The following CCDC149 variants were observed in gnomAD, a reference collection of about 807,000 sequenced individuals.
The protein encoded by CCDC149 is coiled-coil domain containing 149, also known as coiled-coil domain-containing protein 149.
Under a neutral mutation model 59.9 loss-of-function variants are expected in CCDC149, and 45 were observed. That is an observed-to-expected ratio of 0.75 (90% confidence interval 0.59 to 0.96). CCDC149 has a LOEUF of 0.96. CCDC149 is among the 40% of genes least tolerant of loss of function. The pLI, the probability that CCDC149 is intolerant of heterozygous loss-of-function variation, is 0.00. For missense variants in CCDC149, 584 were observed against 664.7 expected (o/e 0.88, Z 1.33); for synonymous variants, 245 against 260.6 (o/e 0.94, Z 0.58).
At chr4:24,912,057 C>T (rs547793546) in intron 1 of CCDC149, among the ~76,000 whole-genome samples, 2 of 152,240 alleles carry the variant, frequency 1.3e-5, no homozygotes, top group East Asian at 3.9e-4. Context: ...ATCCGCATTC[C>T]CTCTCACCTG....
chr4:24,957,114 C>T (rs907034608), intron 1 of CCDC149, among the ~76,000 whole-genome samples: 1 of 152,188 alleles, frequency 6.6e-6, no homozygotes, highest in Non-Finnish European at 1.5e-5. Flanking sequence ...AAACACAGCT[C>T]CTGGCATACA....
intron 3 of CCDC149, among the ~76,000 whole-genome samples, chr4:24,866,190 C>T (rs1188392360): frequency 6.6e-6 from 1 of 152,112 alleles, no homozygotes; most frequent in African/African-American, 2.4e-5. Flanking sequence ...CTGATTTTTC[C>T]AGGGTTGTCA....
chr4:24,838,856 C>G (rs1451323100), intron 4 of CCDC149, among the ~76,000 whole-genome samples: 2 of 151,612 alleles, frequency 1.3e-5, no homozygotes, highest in African/African-American at 2.4e-5. Flanking sequence ...ACAGTGCAAC[C>G]AACCAAGTGG....
intron 3 of CCDC149, among the ~76,000 whole-genome samples, chr4:24,871,346 A>G (rs1013299159): frequency 2.0e-5 from 3 of 152,224 alleles, no homozygotes; most frequent in Non-Finnish European, 4.4e-5. Context: ...TACAGCATCA[A>G]TGAGCACAAG....
At chr4:24,825,338 C>T (rs899302865) in intron 9 of CCDC149, among the ~76,000 whole-genome samples, 2 of 152,320 alleles carry the variant, frequency 1.3e-5, no homozygotes, top group Admixed American at 1.3e-4. Flanking sequence ...TGCACAGATG[C>T]TCCCTTGGTG....
chr4:24,949,963 G>T (rs1355679210), intron 1 of CCDC149, among the ~76,000 whole-genome samples: 2 of 152,184 alleles, frequency 1.3e-5, no homozygotes, highest in African/African-American at 4.8e-5. Context: ...AGAGAAGGAT[G>T]GCGACAGAGG....
chr4:24,976,190 T>G (rs932433328), intron 1 of CCDC149, among the ~76,000 whole-genome samples: 2 of 152,210 alleles, frequency 1.3e-5, no homozygotes, highest in Non-Finnish European at 2.9e-5. Flanking sequence ...TAAGAGTACG[T>G]GGAGCTCAAA....
At chr4:24,909,755 G>A (rs1721766244) in intron 1 of CCDC149, among the ~76,000 whole-genome samples, 3 of 152,144 alleles carry the variant, frequency 2.0e-5, no homozygotes, top group Admixed American at 6.5e-5. Flanking sequence ...ATAAAGAGGA[G>A]TTCTCCTGCA....
Position 24,909,752 on chromosome 4 carries a change from G to A in CCDC149, c.63+3065C>T, listed in dbSNP as rs558861939. Among the ~76,000 whole-genome samples, 7 of 152,236 alleles carry A rather than the reference G, an allele frequency of 4.6e-5. No homozygotes were observed. The South Asian group carries it at 1.5e-3, about 32-fold the overall frequency. On this transcript the variant is annotated intron_variant, in intron 1 of 12. Transcript: ENST00000635206. The stretch of plus-strand genomic sequence containing the variant: ...ACGAGATCTGATGGTTTTATAAAGA[G>A]GAGTTCTCCTGCAGAAGCTCTCTCT...
chr4:24,902,419 G>A (rs1214096901), intron 1 of CCDC149, among the ~76,000 whole-genome samples: 1 of 152,200 alleles, frequency 6.6e-6, no homozygotes, highest in Non-Finnish European at 1.5e-5. Flanking sequence ...CCTGCTGCCT[G>A]GCTTTTGAAG....
At chr4:24,948,568 T>C (rs755959413) in intron 1 of CCDC149, among the ~76,000 whole-genome samples, 3 of 152,078 alleles carry the variant, frequency 2.0e-5, no homozygotes, top group Non-Finnish European at 2.9e-5. Context: ...CCATAGAAGA[T>C]TGGAGGATGA....
intron 1 of CCDC149, among the ~76,000 whole-genome samples, chr4:24,933,503 G>A (rs926610888): frequency 2.0e-5 from 3 of 152,142 alleles, no homozygotes; most frequent in Non-Finnish European, 4.4e-5. Flanking sequence ...AATTTTTTGT[G>A]GAAAGTTAAG....
chr4:24,947,780 C>A (rs1000635556), intron 1 of CCDC149, among the ~76,000 whole-genome samples: 3 of 151,924 alleles, frequency 2.0e-5, no homozygotes, highest in Non-Finnish European at 4.4e-5. Context: ...TTCCAAGATT[C>A]AATCTGAGTT....
At chr4:24,968,810 C>A (rs577623640) in intron 1 of CCDC149, among the ~76,000 whole-genome samples, 3 of 152,228 alleles carry the variant, frequency 2.0e-5, no homozygotes, top group East Asian at 3.9e-4. Flanking sequence ...TGGGGCTTAA[C>A]CTTGTGGTTA....
intron 1 of CCDC149, among the ~76,000 whole-genome samples, chr4:24,907,429 A>G (rs1437595604): frequency 2.0e-5 from 3 of 152,276 alleles, no homozygotes; most frequent in African/African-American, 7.2e-5. Flanking sequence ...GGCTCTGAAC[A>G]CAACTCCAGG....
rs1426443416 is a variant in CCDC149, at chr4:24,876,547, G to C, written c.214C>G (p.Arg72Gly). The stretch of plus-strand genomic sequence containing the variant: ...AGCCTAACACTTACAATCAGCTCTC[G>C]GTACTTCTTCTTCAGTGACTGGTGG... The change falls in exon 2 of 13, where the codon CGA (arginine) becomes GGA (glycine). Residue 72 changes from arginine to glycine, a missense_variant. Coordinates refer to ENST00000635206, the MANE Select transcript of CCDC149 (RefSeq NM_001330643.2). 1 of 1,613,764 alleles carries C rather than the reference G, an allele frequency of 6.2e-7. No homozygotes were observed. The highest frequency in any genetic ancestry group is 8.5e-7 in the Non-Finnish European group (1 of 1,179,788).
In CCDC149 at chr4:24,932,446, G is replaced by A. The variant is rs572406426; in HGVS notation, c.-64-37328C>T. On this transcript the variant is annotated intron_variant, in intron 1 of 12. Transcript: ENST00000389609. ...TAGGGGACAGCAAGACAGAAGACAG[G>A]AGAAGTTAAGGTAAGACACTCAGGA... Among the ~76,000 whole-genome samples the A allele has an allele frequency of 2.4e-4, 37 of 152,284 alleles. No individual in the cohort carries two copies. The South Asian group carries it at 7.5e-3, about 31-fold the overall frequency.
intron 3 of CCDC149, among the ~76,000 whole-genome samples, chr4:24,868,733 G>T (rs559948118): frequency 6.6e-6 from 1 of 152,182 alleles, no homozygotes; most frequent in Non-Finnish European, 1.5e-5. Context: ...AGGGATCTGG[G>T]TCTGCCTTTT....
Position 24,859,201 on chromosome 4 carries a change from T to A in CCDC149, c.265-6022A>T, listed in dbSNP as rs145122033. On this transcript the variant is annotated intron_variant, in intron 3 of 12. Coordinates refer to ENST00000635206, the MANE Select transcript of CCDC149 (RefSeq NM_001330643.2). The stretch of plus-strand genomic sequence containing the variant: ...TTTTTGGTTTCAGTACGGTATGGAA[T>A]AAATTACACTTTATAAAATAGGTCT... Among the ~76,000 whole-genome samples the A allele has an allele frequency of 1.5e-4, 23 of 152,336 alleles. No homozygotes were observed. In the East Asian group the frequency reaches 4.0e-3, roughly 27 times the overall value.
Sources: gnomAD v4.1 joint callset for allele counts (sites outside exome capture counted in the v4.1 genomes callset) on GRCh38, gnomAD v4.1.1 for gene constraint, MANE v1.5 for transcripts, NCBI Gene and HGNC (gene_info 2026-07-23, HGNC 2026-07-21) for gene names.